CTNND2: variants seen among roughly 807,000 people sequenced by gnomAD.
The protein encoded by CTNND2 is catenin delta-2.
In CTNND2, 22 loss-of-function variants were observed where a neutral mutation model predicts 144.4. The ratio of observed to expected loss-of-function variants is 0.15; its 90% CI spans 0.11 to 0.22. The LOEUF is 0.22. Ranked by LOEUF, CTNND2 falls within the 10% of genes least tolerant of loss-of-function variation. The probability of loss-of-function intolerance (pLI) is 1.00; values close to 1 mark genes in which losing one functional copy is unlikely to be tolerated. For synonymous variants in CTNND2, 751 were observed against 695.6 expected (o/e 1.08, Z -1.25); for missense variants, 1,353 against 1,618.8 (o/e 0.84, Z 2.82).
chr5:11,122,831 T>G (rs2149702991), intron 12 of CTNND2, among the ~76,000 whole-genome samples: 1 of 152,002 alleles, frequency 6.6e-6, no homozygotes, highest in African/African-American at 2.4e-5. Context: ...AGTCACATAC[T>G]TAGTACAGCC....
intron 1 of CTNND2, among the ~76,000 whole-genome samples, chr5:11,742,956 C>G (rs1025193512): frequency 5.3e-5 from 8 of 152,104 alleles, no homozygotes; most frequent in African/African-American, 1.9e-4. Flanking sequence ...ATATCGCTAC[C>G]AAAAGAAATA....
chr5:11,648,095 T>C (rs1782457837), intron 2 of CTNND2, among the ~76,000 whole-genome samples: 2 of 152,200 alleles, frequency 1.3e-5, no homozygotes, highest in South Asian at 4.1e-4. Context: ...ACTTAGCACA[T>C]ATAATTTCTT....
intron 8 of CTNND2, among the ~76,000 whole-genome samples, chr5:11,363,682 T>C (rs775668647): frequency 1.3e-5 from 2 of 152,348 alleles, no homozygotes; most frequent in South Asian, 2.1e-4. Flanking sequence ...TAATCAACTA[T>C]AAAAGCAGCT....
intron 1 of CTNND2, among the ~76,000 whole-genome samples, chr5:11,861,386 T>C (rs536487211): frequency 1.3e-5 from 2 of 152,296 alleles, no homozygotes; most frequent in African/African-American, 2.4e-5. Context: ...TTCTCCTCTA[T>C]CAGTGAATAG....
chr5:11,228,412 G>A (rs992660069), intron 10 of CTNND2, among the ~76,000 whole-genome samples: 1 of 148,650 alleles, frequency 6.7e-6, no homozygotes, highest in African/African-American at 2.5e-5. Context: ...TACTGCTGTG[G>A]CTTCACCTCT....
chr5:11,366,686 A>C (rs1172449239), intron 7 of CTNND2, among the ~76,000 whole-genome samples: 1 of 152,184 alleles, frequency 6.6e-6, no homozygotes, highest in Non-Finnish European at 1.5e-5. Flanking sequence ...AAAATAAAAA[A>C]AAAAAACAGT....
intron 9 of CTNND2, among the ~76,000 whole-genome samples, chr5:11,313,851 G>A (rs988739290): frequency 1.3e-5 from 2 of 152,156 alleles, no homozygotes; most frequent in East Asian, 1.9e-4. Context: ...ATGGCAGAAC[G>A]TTAAGGGGAA....
chr5:11,503,049 G>T (rs148275716), intron 3 of CTNND2, among the ~76,000 whole-genome samples: 2 of 152,306 alleles, frequency 1.3e-5, no homozygotes, highest in African/African-American at 4.8e-5. Context: ...AACTATCAAT[G>T]AATGAAACTG....
At chr5:11,806,826 T>TA (rs917048254) in intron 1 of CTNND2, among the ~76,000 whole-genome samples, 4 of 151,764 alleles carry the variant, frequency 2.6e-5, no homozygotes, top group Non-Finnish European at 5.9e-5. Flanking sequence ...TAATTGATCT[T>TA]AAAAAAAAGA....
intron 3 of CTNND2, among the ~76,000 whole-genome samples, chr5:11,422,880 C>T (rs2149856707): frequency 6.6e-6 from 1 of 152,166 alleles, no homozygotes; most frequent in East Asian, 1.9e-4. Context: ...TCAGAAGCAG[C>T]AACAAATGGT....
At chr5:11,844,192 A>C (rs1794626280) in intron 1 of CTNND2, among the ~76,000 whole-genome samples, 3 of 152,172 alleles carry the variant, frequency 2.0e-5, no homozygotes. Context: ...GCCCATGCAT[A>C]TTTATTTTAA....
intron 1 of CTNND2, among the ~76,000 whole-genome samples, chr5:11,797,304 C>G (rs1214951439): frequency 2.0e-5 from 3 of 152,186 alleles, no homozygotes; most frequent in Non-Finnish European, 4.4e-5. Context: ...TTGTCACAGC[C>G]TGGCACTTGC....
At chr5:11,818,147 G>A (rs1237612602) in intron 1 of CTNND2, among the ~76,000 whole-genome samples, 2 of 151,790 alleles carry the variant, frequency 1.3e-5, no homozygotes, top group African/African-American at 4.8e-5. Flanking sequence ...TGAAAAATTA[G>A]GAAGGAAGGA....
intron 12 of CTNND2, among the ~76,000 whole-genome samples, chr5:11,128,816 A>AATT (rs1378956794): frequency 1.0e-4 from 1 of 9,600 alleles, no homozygotes; most frequent in Non-Finnish European, 1.9e-4. Flanking sequence ...CAATATATAT[A>AATT]ATATATATTA....
At chr5:11,597,455 T>C (rs1032724780) in intron 2 of CTNND2, among the ~76,000 whole-genome samples, 22 of 152,200 alleles carry the variant, frequency 1.4e-4, no homozygotes, top group African/African-American at 5.3e-4. Context: ...TGGATGAAAA[T>C]TTAAGGCTCA....
intron 11 of CTNND2, among the ~76,000 whole-genome samples, chr5:11,161,649 C>T (rs970241813): frequency 5.3e-5 from 8 of 152,070 alleles, no homozygotes; most frequent in Non-Finnish European, 1.0e-4. Context: ...TTAGTATCTA[C>T]CCCAGTATTT....
chr5:11,057,656 C>T (rs1028786995), intron 16 of CTNND2, among the ~76,000 whole-genome samples: 1 of 152,112 alleles, frequency 6.6e-6, no homozygotes, highest in East Asian at 1.9e-4. Context: ...TGGGGTGCTA[C>T]TGAAAAGTTA....
intron 3 of CTNND2, among the ~76,000 whole-genome samples, chr5:11,548,089 C>G (rs989370864): frequency 6.6e-6 from 1 of 152,144 alleles, no homozygotes; most frequent in Admixed American, 6.5e-5. Context: ...CCAGCACCCA[C>G]GACACCATGG....
chr5:11,664,726 C>A (rs1168304795), intron 2 of CTNND2, among the ~76,000 whole-genome samples: 2 of 152,248 alleles, frequency 1.3e-5, no homozygotes, highest in East Asian at 3.9e-4. Context: ...TAAATTATTA[C>A]CTCCAATTCA....
Sources: allele counts gnomAD v4.1 joint callset (sites outside exome capture counted in the v4.1 genomes callset), GRCh38; gene constraint gnomAD v4.1.1; transcripts MANE v1.5; gene names NCBI Gene and HGNC (gene_info 2026-07-23, HGNC 2026-07-21).